Variants in NT5C1B observed in about 807,000 individuals in gnomAD.
NT5C1B encodes the protein cytosolic 5'-nucleotidase 1B.
A neutral mutation model predicts 57.8 loss-of-function variants in NT5C1B; 44 were observed. The ratio of observed to expected loss-of-function variants is 0.76; its 90% CI spans 0.60 to 0.98. NT5C1B has a LOEUF of 0.98. Ranked by LOEUF, NT5C1B falls within the 50% of genes least tolerant of loss-of-function variation. The pLI is 0.00. For synonymous variants in NT5C1B, 284 were observed against 282.6 expected (o/e 1.00, Z -0.05); for missense variants, 742 against 719.5 (o/e 1.03, Z -0.36).
chr2:18,580,523 G>A (rs934881986), intron 6 of NT5C1B, among the ~76,000 whole-genome samples: 1 of 152,208 alleles, frequency 6.6e-6, no homozygotes, highest in African/African-American at 2.4e-5. Flanking sequence ...GCTGAGGCAG[G>A]AGAATCACTT....
chr2:18,587,299 G>A lies in NT5C1B; in HGVS notation c.120+204C>T, dbSNP rs878952851. The A allele has an allele frequency of 9.5e-6, 14 of 1,480,648 alleles. No homozygotes were observed. In the South Asian group the frequency reaches 9.5e-5, roughly 10 times the overall value. 91.7% of individuals were successfully genotyped at this position (1,480,648 alleles called of 1,614,324 possible). On this transcript the variant is annotated intron_variant, in intron 2 of 8. Transcript: ENST00000304081. ...GAGCCTGCTGTGGTTCCACACATTCGAAGTGAACACTAGGGTATGGATGGA... is the reference window on the plus strand; with the variant it reads ...GAGCCTGCTGTGGTTCCACACATTCAAAGTGAACACTAGGGTATGGATGGA...
exon 3 of NT5C1B, chr2:18,586,320 T>A: frequency 6.2e-7 from 1 of 1,614,188 alleles, no homozygotes; most frequent in South Asian, 1.1e-5. Context: ...GGCTCCGGGA[T>A]ATTCTAGACC....
At position 18,584,537 on chromosome 2, in the gene NT5C1B, G is replaced by C; in HGVS notation, c.700C>G (p.Pro234Ala). 1 of 1,611,768 alleles carries C rather than the reference G, an allele frequency of 6.2e-7. No individual in the cohort carries two copies. The highest frequency in any genetic ancestry group is 8.5e-7 in the Non-Finnish European group (1 of 1,179,170). Residue 234 changes from proline to alanine, a missense_variant, in exon 4 of 9, where the codon CCG becomes GCG. Pro to Ala is a conservative substitution (Grantham distance 27). Transcript: ENST00000304081. This position sits in a 1 kb window ranked among gnomAD's most constrained non-coding sequence, Gnocchi z 5.8. ...ACCGGCCAGGGGCGCGAGCAGCTCG[G>C]GTTCTTCTCGTAGAACGACCTCATG...
At chr2:18,566,127 A>G (rs189219037) in intron 8 of NT5C1B, among the ~76,000 whole-genome samples, 46 of 152,282 alleles carry the variant, frequency 3.0e-4, no homozygotes, top group Admixed American at 2.7e-3. Context: ...AGAGCTCTTC[A>G]TCTGTTATTA....
In NT5C1B at chr2:18,584,206, A is replaced by G; in HGVS notation, c.773T>C (p.Phe258Ser). The G allele has an allele frequency of 1.9e-6, 3 of 1,614,144 alleles. No homozygotes were observed. Among genetic ancestry groups the G allele is most frequent in the Non-Finnish European group, 2.5e-6 (3 of 1,180,030 alleles). Residue 258 changes from phenylalanine to serine, a missense_variant, in exon 5 of 9, where the codon TTC becomes TCC. Coordinates refer to ENST00000304081, the Ensembl canonical transcript of NT5C1B. The surrounding 1 kb of genome is among the most constrained non-coding windows in gnomAD (Gnocchi z 5.8). ...GATTTTCCTGCCGTCCACCATGTTG[A>G]AGAGCGCGCAGGATGAGAGAGCAAT...
chr2:18,586,743 T>C (rs1389373496), intron 2 of NT5C1B: 2 of 645,658 alleles, frequency 3.1e-6, no homozygotes, highest in Admixed American at 3.1e-5. Flanking sequence ...TAACAGATGC[T>C]GAAACAATAT....
intron 8 of NT5C1B, among the ~76,000 whole-genome samples, chr2:18,570,003 T>A (rs894869811): frequency 6.6e-6 from 1 of 152,142 alleles, no homozygotes; most frequent in African/African-American, 2.4e-5. Flanking sequence ...AAAATATGTT[T>A]TCTAATCACA....
Position 18,584,008 on chromosome 2 carries a change from G to A in NT5C1B, c.891+80C>T, listed in dbSNP as rs1666425939. The A allele has an allele frequency of 1.2e-6, 2 of 1,610,348 alleles. No homozygotes were observed. The highest frequency in any genetic ancestry group is 8.5e-7 in the Non-Finnish European group (1 of 1,177,228). On this transcript the variant is annotated intron_variant, in intron 5 of 8. Coordinates refer to ENST00000304081, the Ensembl canonical transcript of NT5C1B. The surrounding 1 kb of genome is among the most constrained non-coding windows in gnomAD (Gnocchi z 5.8). Reference sequence around the variant, plus strand: ...TGGGCTAGGAATGATCTGGGAAATTGGATGCCCTCCCAAGGGTTGGCCTGG... The same window carrying A: ...TGGGCTAGGAATGATCTGGGAAATTAGATGCCCTCCCAAGGGTTGGCCTGG...
rs557964570 is a variant in NT5C1B, at chr2:18,584,498, C to T, written c.723+16G>A. The T allele has an allele frequency of 1.2e-6, 2 of 1,601,754 alleles. No homozygotes were observed. The highest frequency in any genetic ancestry group is 2.2e-5 in the South Asian group (2 of 89,580). The stretch of plus-strand genomic sequence containing the variant: ...GGAAGGGCGCCCCGGCTGCCAGGGG[C>T]GGCGGGCTGGCTCACCGGCCAGGGG... On this transcript the variant is annotated intron_variant, in intron 4 of 8. Coordinates refer to ENST00000304081, the Ensembl canonical transcript of NT5C1B. The surrounding 1 kb of genome is among the most constrained non-coding windows in gnomAD (Gnocchi z 5.8).
At chr2:18,569,615 A>AT (rs1393000948) in intron 8 of NT5C1B, among the ~76,000 whole-genome samples, 4 of 152,136 alleles carry the variant, frequency 2.6e-5, no homozygotes, top group African/African-American at 9.6e-5. Context: ...TATCAGATGA[A>AT]TATTACATAA....
chr2:18,588,414 GCT>G (rs376116026), intron 1 of NT5C1B, among the ~76,000 whole-genome samples: 1,956 of 152,260 alleles, frequency 0.013, 36 homozygotes, highest in African/African-American at 0.044. Flanking sequence ...ATCCGTTTAT[GCT>G]CTGTGTCTTG....
rs192670970 is a variant in NT5C1B, at chr2:18,572,655, G to A, written c.1329+3529C>T. ...ATATTTGAACAGGTACTTCACCAAA[G>A]AAGATATGTGATGGAAAAAAGCACT... On this transcript the variant is annotated intron_variant, in intron 8 of 8. Coordinates refer to ENST00000304081, the Ensembl canonical transcript of NT5C1B. Among the ~76,000 whole-genome samples, 550 of 152,200 alleles carry A rather than the reference G, an allele frequency of 3.6e-3. 1 individual carries two copies. Among genetic ancestry groups the A allele is most frequent in the Middle Eastern group, 0.01 (3 of 294 alleles).
chr2:18,586,108 A>G, intron 3 of NT5C1B, 146 bp downstream of exon 3: 1 of 1,264,160 alleles, frequency 7.9e-7, no homozygotes, highest in Non-Finnish European at 1.1e-6. Flanking sequence ...AATGGGATTT[A>G]CGGGCAGAAG....
chr2:18,564,731 T>C lies in NT5C1B; in HGVS notation c.1330-612A>G, dbSNP rs538859403. Among the ~76,000 whole-genome samples, 3 of 152,326 alleles carry C rather than the reference T, an allele frequency of 2.0e-5. No homozygotes were observed. The East Asian group carries it at 5.8e-4, about 29-fold the overall frequency. On this transcript the variant is annotated intron_variant, in intron 8 of 8. Transcript: ENST00000304081. ...TTTGTTCATTTACATTTATTCATAT[T>C]ACAAACATACTTGAGATTGTTTCTG...
exon 1 of NT5C1B, chr2:18,589,523 C>G (rs535646104): frequency 1.2e-6 from 2 of 1,613,228 alleles, no homozygotes; most frequent in South Asian, 1.1e-5. Flanking sequence ...CTCCCCAGCT[C>G]CATTTCCTGT....
chr2:18,574,131 A>G (rs911232203), intron 8 of NT5C1B, among the ~76,000 whole-genome samples: 1 of 152,144 alleles, frequency 6.6e-6, no homozygotes, highest in African/African-American at 2.4e-5. Flanking sequence ...CAAAATAAAA[A>G]CAAATTAAGC....
chr2:18,576,940 C>A (rs777168974), intron 6 of NT5C1B, 45 bp from the exon 7 acceptor site: 30 of 1,607,590 alleles, frequency 1.9e-5, no homozygotes, highest in Non-Finnish European at 2.5e-5. Flanking sequence ...AGATTAAAGA[C>A]AAAATGCCGT....
At chr2:18,565,829 A>C (rs985677198) in intron 8 of NT5C1B, among the ~76,000 whole-genome samples, 1 of 152,074 alleles carries the variant, frequency 6.6e-6, no homozygotes, top group African/African-American at 2.4e-5. Context: ...CTCCCCCAAC[A>C]TGATTTTAAA....
chr2:18,586,519 G>C (rs765089760), intron 2 of NT5C1B, 128 bp from the exon 3 acceptor site: 1 of 1,376,518 alleles, frequency 7.3e-7, no homozygotes, highest in African/African-American at 1.4e-5. Flanking sequence ...TGGCCTCAAT[G>C]ACTCTTAACT....
Sources: gnomAD v4.1 joint callset for allele counts (sites outside exome capture counted in the v4.1 genomes callset) on GRCh38, gnomAD v4.1.1 for gene constraint, Gnocchi (gnomAD v3.1) non-coding constraint, MANE v1.5 for transcripts, NCBI Gene and HGNC (gene_info 2026-07-23, HGNC 2026-07-21) for gene names.